The following TUB variants were observed in gnomAD, a reference collection of about 807,000 sequenced individuals.
The protein encoded by TUB is TUB bipartite transcription factor, also known as tubby protein homolog.
In TUB, 33 loss-of-function variants were observed where a neutral mutation model predicts 59.7. The observed-to-expected ratio is 0.55, with a 90% CI of 0.42 to 0.74. The LOEUF is 0.74. Ranked by LOEUF, TUB falls within the 30% of genes least tolerant of loss-of-function variation. The pLI is 0.00. For synonymous variants in TUB, 293 were observed against 256.4 expected, an observed-to-expected ratio of 1.14 and a Z score of -1.36; for missense variants, 659 against 672.0, an observed-to-expected ratio of 0.98 and a Z score of 0.21.
At chr11:8,050,871 C>T (rs1474799284) in intron 2 of TUB, among the ~76,000 whole-genome samples, 1 of 152,180 alleles carries the variant, frequency 6.6e-6, no homozygotes, top group Non-Finnish European at 1.5e-5. Flanking sequence ...AATAAAATTG[C>T]ATCCTTTTGA....
chr11:8,037,268 GGA>G (rs2133723561), upstream of TUB, among the ~76,000 whole-genome samples: 1 of 152,312 alleles, frequency 6.6e-6, no homozygotes, highest in South Asian at 2.1e-4. Context: ...CTCCATATTG[GGA>G]GCCTTGGCTT....
At chr11:8,062,586 A>T (rs1943153279) in intron 2 of TUB, among the ~76,000 whole-genome samples, 1 of 151,926 alleles carries the variant, frequency 6.6e-6, no homozygotes, top group Non-Finnish European at 1.5e-5. Flanking sequence ...GGCTCATGAT[A>T]AGAGCCTTTT....
chr11:8,089,998 A>AC (rs1021179114), intron 2 of TUB, 71 bp from the exon 3 acceptor site: 3 of 1,483,382 alleles, frequency 2.0e-6, no homozygotes, highest in Middle Eastern at 2.0e-4. Context: ...TGGGCTGTGG[A>AC]CCCCCCGATA....
chr11:8,086,771 C>T (rs576569879), intron 1 of TUB, among the ~76,000 whole-genome samples: 10 of 152,310 alleles, frequency 6.6e-5, no homozygotes, highest in Non-Finnish European at 8.8e-5. Context: ...TCCTTTCCTT[C>T]TGTGTGCTTG....
chr11:8,063,293 T>C (rs1943169546), intron 2 of TUB, among the ~76,000 whole-genome samples: 1 of 152,182 alleles, frequency 6.6e-6, no homozygotes, highest in African/African-American at 2.4e-5. Flanking sequence ...AATGTCTTCT[T>C]AAAAAAGAAT....
intron 2 of TUB, among the ~76,000 whole-genome samples, chr11:8,055,592 G>T (rs890763863): frequency 6.6e-6 from 1 of 152,238 alleles, no homozygotes; most frequent in Non-Finnish European, 1.5e-5. Flanking sequence ...GATGGGAGCA[G>T]ACAGACAGAG....
chr11:8,041,610 G>A lies in TUB; in HGVS notation c.203+1918G>A, dbSNP rs572248260. ...TGAAACCTTAATCTTTGTGTACCTCGTATGCATTCTGCCTCCCATATCTCC... is the reference window on the plus strand; with the variant it reads ...TGAAACCTTAATCTTTGTGTACCTCATATGCATTCTGCCTCCCATATCTCC... On this transcript the variant is annotated intron_variant, in intron 2 of 12. Coordinates refer to the TUB transcript ENST00000305253. 9.2e-5 allele frequency among the ~76,000 whole-genome samples: 14 copies of A among 152,128 alleles called. No individual in the cohort carries two copies. The South Asian group carries it at 1.9e-3, about 20-fold the overall frequency.
At chr11:8,020,379 C>G (rs904212416) in intron 1 of TUB, among the ~76,000 whole-genome samples, 2 of 152,146 alleles carry the variant, frequency 1.3e-5, no homozygotes, top group Admixed American at 1.3e-4. Flanking sequence ...CCTGCATCTT[C>G]GACAGCCCTT....
At chr11:8,030,259 A>G (rs1015067866) in intron 1 of TUB, among the ~76,000 whole-genome samples, 2 of 152,142 alleles carry the variant, frequency 1.3e-5, no homozygotes, top group Admixed American at 6.5e-5. Flanking sequence ...ATCTGTGACC[A>G]AAAGTGGAAG....
intron 2 of TUB, among the ~76,000 whole-genome samples, chr11:8,055,732 C>G (rs2133762852): frequency 6.6e-6 from 1 of 152,348 alleles, no homozygotes; most frequent in South Asian, 2.1e-4. Context: ...AGGGCTGGGA[C>G]AGCCAATGAC....
chr11:8,042,454 A>G (rs1942767633), intron 2 of TUB, among the ~76,000 whole-genome samples: 1 of 152,126 alleles, frequency 6.6e-6, no homozygotes, highest in African/African-American at 2.4e-5. Flanking sequence ...CCAGGTTTTT[A>G]TAGGGACATA....
intron 1 of TUB, among the ~76,000 whole-genome samples, chr11:8,030,393 G>T (rs1217235528): frequency 6.6e-6 from 1 of 152,146 alleles, no homozygotes; most frequent in Non-Finnish European, 1.5e-5. Flanking sequence ...GGAGATTCTG[G>T]CCCAGCATGT....
chr11:8,097,099 C>T (rs1944030496), intron 6 of TUB, 129 bp from the exon 7 acceptor site: 3 of 1,062,036 alleles, frequency 2.8e-6, no homozygotes, highest in Non-Finnish European at 4.1e-6. Context: ...CCCAGGCTGG[C>T]CAGGCCCCAA....
chr11:8,075,972 C>G (rs531655459), intron 2 of TUB: 1 of 152,188 alleles, frequency 6.6e-6, no homozygotes, highest in Non-Finnish European at 1.5e-5. Context: ...TGGAGACCAC[C>G]CCATCGCTGG....
rs61390438 is a variant in TUB, at chr11:8,102,601, CCT to C, written c.*997_*998del. On this transcript the variant is annotated 3_prime_UTR_variant, in exon 12 of 12. Transcript: ENST00000299506. ...ATGGCATGCTCCTTGAAGAATCTCT[CCT>C]CTCTCTCTCTCTCTGGAAAGACCCA... 1.1e-3 allele frequency: 172 copies of C among 151,020 alleles called. 1 individual carries two copies. The East Asian group carries it at 0.02, about 18-fold the overall frequency. 9.4% of individuals were successfully genotyped at this position (151,020 alleles called of 1,614,324 possible).
chr11:8,027,188 T>A (rs143365151), intron 1 of TUB, among the ~76,000 whole-genome samples: 1 of 152,220 alleles, frequency 6.6e-6, no homozygotes, highest in African/African-American at 2.4e-5. Context: ...TTCACAGTAT[T>A]GTGCAACCAT....
chr11:8,092,431 C>CACT (rs1943808510), intron 3 of TUB, among the ~76,000 whole-genome samples: 1 of 152,104 alleles, frequency 6.6e-6, no homozygotes, highest in African/African-American at 2.4e-5. Flanking sequence ...CTGGTCGTGC[C>CACT]ACTACCAGTT....
At chr11:8,056,702 T>A (rs1943026914) in intron 2 of TUB, among the ~76,000 whole-genome samples, 1 of 151,970 alleles carries the variant, frequency 6.6e-6, no homozygotes. Context: ...CTGTGGAGTG[T>A]CTGAGGTGAT....
chr11:8,053,543 C>G (rs1205438776), intron 2 of TUB, among the ~76,000 whole-genome samples: 1 of 151,696 alleles, frequency 6.6e-6, no homozygotes, highest in Non-Finnish European at 1.5e-5. Flanking sequence ...CTCTGTCGCC[C>G]AGGCTGGAGT....
Sources: gnomAD v4.1 joint callset for allele counts (sites outside exome capture counted in the v4.1 genomes callset) on GRCh38, gnomAD v4.1.1 for gene constraint, MANE v1.5 for transcripts, NCBI Gene and HGNC (gene_info 2026-07-23, HGNC 2026-07-21) for gene names.